The following PGM2L1 variants were observed in gnomAD, a reference collection of about 807,000 sequenced individuals.
PGM2L1 encodes the protein glucose 1,6-bisphosphate synthase.
In PGM2L1, 35 loss-of-function variants were observed where a neutral mutation model predicts 73.4. The ratio of observed to expected loss-of-function variants is 0.48; its 90% confidence interval spans 0.36 to 0.63. The LOEUF (loss-of-function observed/expected upper bound fraction) is 0.63, where lower values mean the gene tolerates loss of function less well. PGM2L1 is among the 30% of genes least tolerant of loss of function. PGM2L1 has a pLI of 0.00. For missense variants in PGM2L1, 570 were observed against 742.0 expected, an observed-to-expected ratio of 0.77 and a Z score of 2.69; for synonymous variants, 225 against 253.8, an observed-to-expected ratio of 0.89 and a Z score of 1.08.
At chr11:74,342,415 G>A (rs760532901) in intron 12 of PGM2L1, 46 bp downstream of exon 12, 1 of 1,370,168 alleles carries the variant, frequency 7.3e-7, no homozygotes, top group Non-Finnish European at 9.7e-7. Context: ...GGTGACATGA[G>A]CCATGAAATT....
chr11:74,355,041 T>C (rs1295230511), intron 5 of PGM2L1: 1 of 1,319,478 alleles, frequency 7.6e-7, no homozygotes, highest in East Asian at 2.3e-5. Context: ...TCGAAGTGGC[T>C]CTGGAAACTT....
chr11:74,355,084 A>G lies in PGM2L1; in HGVS notation c.556-3508T>C, dbSNP rs1862422447. 13 of 1,277,334 alleles carry G rather than the reference A, an allele frequency of 1.0e-5. No homozygotes were observed. In the South Asian group the frequency reaches 1.4e-4, roughly 14 times the overall value. 79.1% of individuals were successfully genotyped at this position (1,277,334 alleles called of 1,614,324 possible). On this transcript the variant is annotated intron_variant, in intron 5 of 13. Coordinates refer to ENST00000298198, the MANE Select transcript of PGM2L1 (RefSeq NM_173582.6). ...GGTCGTGGAGGTGGTTTTGGTGGGA[A>G]GGACAACTTTGGTTGTGGAGGAAAC...
Position 74,347,197 on chromosome 11 carries a change from T to C in PGM2L1, c.890A>G (p.Asp297Gly), listed in dbSNP as rs1337443567. Residue 297 changes from aspartate to glycine, a missense_variant, in exon 7 of 14, where the codon GAC becomes GGC. Transcript: ENST00000298198. ...PVPEQKDPDP[D>G]FSTVKCPNPE... ...ATTTGGACATTTAACGGTAGAAAAGTCTGGATCAGGATCTTTTTGTTCTGG... is the reference window on the plus strand; with the variant it reads ...ATTTGGACATTTAACGGTAGAAAAGCCTGGATCAGGATCTTTTTGTTCTGG... The C allele has an allele frequency of 6.2e-7, 1 of 1,608,832 alleles. No homozygotes were observed. Among genetic ancestry groups the C allele is most frequent in the African/African-American group, 1.3e-5 (1 of 74,840 alleles).
chr11:74,366,733 T>C (rs1217006622), intron 5 of PGM2L1, among the ~76,000 whole-genome samples: 1 of 152,034 alleles, frequency 6.6e-6, no homozygotes, highest in Non-Finnish European at 1.5e-5. Context: ...AGCAGTGGTA[T>C]GACTGGAATG....
chr11:74,355,341 G>C, intron 5 of PGM2L1: 1 of 709,596 alleles, frequency 1.4e-6, no homozygotes, highest in Non-Finnish European at 2.6e-6. Context: ...ATCACCTGAG[G>C]TCAGGAGTTC....
intron 1 of PGM2L1, among the ~76,000 whole-genome samples, chr11:74,388,027 C>T (rs890122653): frequency 7.2e-5 from 11 of 152,082 alleles, no homozygotes; most frequent in Admixed American, 5.9e-4. Context: ...TGTTCTATAA[C>T]TTGCTTATTT....
intron 5 of PGM2L1, among the ~76,000 whole-genome samples, chr11:74,360,982 G>A (rs1190791474): frequency 6.6e-6 from 1 of 152,242 alleles, no homozygotes; most frequent in Admixed American, 6.5e-5. Context: ...TCAGGGCATA[G>A]CCAAACAAAA....
At chr11:74,342,728 A>G (rs998674790) in intron 11 of PGM2L1, 78 bp from the exon 12 acceptor site, 2 of 1,387,058 alleles carry the variant, frequency 1.4e-6, no homozygotes, top group East Asian at 2.3e-5. Flanking sequence ...AGATCAGCCT[A>G]CTATGGTATT....
At chr11:74,349,655 T>C (rs145619572) in intron 6 of PGM2L1, among the ~76,000 whole-genome samples, 83 of 152,306 alleles carry the variant, frequency 5.4e-4, no homozygotes, top group African/African-American at 1.9e-3. Context: ...TTGGCCTTTT[T>C]AGTAACAGAA....
At chr11:74,351,635 T>C (rs1862355338) in intron 5 of PGM2L1, 59 bp from the exon 6 acceptor site, 2 of 1,416,046 alleles carry the variant, frequency 1.4e-6, no homozygotes, top group Admixed American at 2.2e-5. Flanking sequence ...TCTTTTCTTG[T>C]CTATAGTTGA....
chr11:74,369,857 G>A (rs569359590), intron 4 of PGM2L1, among the ~76,000 whole-genome samples: 66 of 152,106 alleles, frequency 4.3e-4, no homozygotes, highest in Middle Eastern at 3.4e-3. Flanking sequence ...AGCAACTCTC[G>A]TGCCCCAGCC....
intron 12 of PGM2L1, among the ~76,000 whole-genome samples, chr11:74,340,507 A>T (rs781014054): frequency 1.3e-5 from 2 of 152,254 alleles, no homozygotes; most frequent in Non-Finnish European, 2.9e-5. Context: ...ACTATTCTAC[A>T]CAATAAACTA....
chr11:74,378,059 T>C (rs1020260226), intron 1 of PGM2L1, among the ~76,000 whole-genome samples: 1 of 152,082 alleles, frequency 6.6e-6, no homozygotes. Context: ...CCCAGCACTT[T>C]GGGAGGTCGA....
chr11:74,380,535 T>G (rs1297284956), intron 1 of PGM2L1, among the ~76,000 whole-genome samples: 1 of 152,130 alleles, frequency 6.6e-6, no homozygotes, highest in Non-Finnish European at 1.5e-5. Flanking sequence ...ACAAAAATCA[T>G]ATCCATGAAA....
At position 74,380,201 on chromosome 11, in the gene PGM2L1, C is replaced by A. The variant is rs563198751; in HGVS notation, c.112-5619G>T. On this transcript the variant is annotated intron_variant, in intron 1 of 13. Coordinates refer to ENST00000298198, the MANE Select transcript of PGM2L1 (RefSeq NM_173582.6). Reference sequence around the variant, plus strand: ...GTTTATTTCTAACCAGAAGTTAAAACAGGAAAGTGCAATCTGAAAATCTGA... The same window carrying A: ...GTTTATTTCTAACCAGAAGTTAAAAAAGGAAAGTGCAATCTGAAAATCTGA... Among the ~76,000 whole-genome samples the A allele has an allele frequency of 5.9e-5, 9 of 152,216 alleles. No homozygotes were observed. The South Asian group carries it at 1.9e-3, about 32-fold the overall frequency.
intron 12 of PGM2L1, among the ~76,000 whole-genome samples, chr11:74,341,695 G>GAAAA (rs11336177): frequency 1.3e-4 from 12 of 94,056 alleles, no homozygotes; most frequent in Non-Finnish European, 2.0e-4. Context: ...CTGTCTCAAG[G>GAAAA]AAAAAAAAAA....
rs994067195 is a variant in PGM2L1 at position 74,354,069 on chromosome 11, C to T, written c.556-2493G>A. 5.3e-5 allele frequency among the ~76,000 whole-genome samples: 8 copies of T among 151,944 alleles called. No homozygotes were observed. In the East Asian group the frequency reaches 1.6e-3, roughly 30 times the overall value. Reference sequence around the variant, plus strand: ...CCTTGCCTTGTCTGTGGATGTGATGCCTGGAGGTACAGCAACCACCATGTG... The same window carrying T: ...CCTTGCCTTGTCTGTGGATGTGATGTCTGGAGGTACAGCAACCACCATGTG... On this transcript the variant is annotated intron_variant, in intron 5 of 13. Transcript: ENST00000298198.
chr11:74,366,433 G>A (rs1262032723), intron 5 of PGM2L1, among the ~76,000 whole-genome samples: 1 of 145,884 alleles, frequency 6.9e-6, no homozygotes, highest in Non-Finnish European at 1.5e-5. Context: ...ACTCCAGCCT[G>A]GGCAACAGAG....
chr11:74,334,486 G>C lies in PGM2L1; in HGVS notation c.*2166C>G, dbSNP rs1268291580. ...CTACACATATCTTCTCCAGTGCAAA[G>C]CCTTTGAAAACAAACTCATTGAGAA... On this transcript the variant is annotated 3_prime_UTR_variant, in exon 14 of 14. Transcript: ENST00000298198. 6.6e-6 allele frequency: 1 copy of C among 152,150 alleles called. No individual in the cohort carries two copies. The highest frequency in any genetic ancestry group is 2.4e-5 in the African/African-American group (1 of 41,442). 9.4% of individuals were successfully genotyped at this position (152,150 alleles called of 1,614,324 possible).
Sources: allele counts gnomAD v4.1 joint callset (sites outside exome capture counted in the v4.1 genomes callset), GRCh38; gene constraint gnomAD v4.1.1; transcripts MANE v1.5; gene names NCBI Gene and HGNC (gene_info 2026-07-23, HGNC 2026-07-21).